The following STRN3 variants were observed in gnomAD, a reference collection of about 807,000 sequenced individuals.
STRN3 encodes striatin 3, also known as striatin-3.
In STRN3, 29 loss-of-function variants were observed where a neutral mutation model predicts 95.6. The ratio of observed to expected loss-of-function variants is 0.30; its 90% confidence interval spans 0.23 to 0.41. STRN3 has a LOEUF of 0.41. Ranked by LOEUF, STRN3 falls within the 10% of genes least tolerant of loss-of-function variation. The pLI, the probability that STRN3 is intolerant of heterozygous loss-of-function variation, is 1.00. For missense variants in STRN3, 890 were observed against 972.1 expected, an observed-to-expected ratio of 0.92 and a Z score of 1.12; for synonymous variants, 331 against 357.6, an observed-to-expected ratio of 0.93 and a Z score of 0.84.
At chr14:30,946,757 C>T (rs1037313302) in intron 5 of STRN3, among the ~76,000 whole-genome samples, 1 of 152,120 alleles carries the variant, frequency 6.6e-6, no homozygotes, top group Non-Finnish European at 1.5e-5. Flanking sequence ...GCAGGTGGAT[C>T]ACCTGAGGTC....
intron 1 of STRN3, 167 bp downstream of exon 1, chr14:31,025,737 G>T: frequency 1.1e-6 from 1 of 907,266 alleles, no homozygotes; most frequent in South Asian, 1.7e-5. Flanking sequence ...AAGAGGGAGG[G>T]GGACTCCAGG....
chr14:30,894,971 A>C lies in STRN3; in HGVS notation c.*440T>G. The C allele has an allele frequency of 9.8e-7, 1 of 1,023,766 alleles. No individual in the cohort carries two copies. Among genetic ancestry groups the C allele is most frequent in the Non-Finnish European group, 1.2e-6 (1 of 817,652 alleles). 63.4% of individuals were successfully genotyped at this position (1,023,766 alleles called of 1,614,324 possible). A position where few individuals can be genotyped will look rare whatever the true frequency, so the allele number is the denominator to read the frequency against. ...AACCGATAAACAGAAGATCACTAAG[A>C]GATGAAAAAAAGCTACTCTTGGAGC... On this transcript the variant is annotated 3_prime_UTR_variant, in exon 18 of 18. Coordinates refer to ENST00000357479, the MANE Select transcript of STRN3 (RefSeq NM_001083893.2).
intron 1 of STRN3, among the ~76,000 whole-genome samples, chr14:30,973,367 A>G (rs1387798299): frequency 6.7e-6 from 1 of 148,490 alleles, no homozygotes; most frequent in East Asian, 2.0e-4. Flanking sequence ...ACAGAGAGGG[A>G]GAGGGGGACA....
At chr14:31,005,862 A>G (rs1426119316) in intron 1 of STRN3, among the ~76,000 whole-genome samples, 1 of 152,240 alleles carries the variant, frequency 6.6e-6, no homozygotes, top group African/African-American at 2.4e-5. Context: ...TCACGCCCGT[A>G]ATCCCAGTAC....
At chr14:30,974,409 AAATT>A (rs1378727179) in intron 1 of STRN3, among the ~76,000 whole-genome samples, 1 of 152,142 alleles carries the variant, frequency 6.6e-6, no homozygotes, top group African/African-American at 2.4e-5. Flanking sequence ...ATGCTGAAAG[AAATT>A]AAGACATAAA....
intron 1 of STRN3, among the ~76,000 whole-genome samples, chr14:31,005,693 T>C (rs1427395595): frequency 6.6e-6 from 1 of 152,228 alleles, no homozygotes; most frequent in Non-Finnish European, 1.5e-5. Flanking sequence ...TAGAATATCC[T>C]GCAGGCAGGC....
At chr14:30,932,298 C>T (rs1240154308) in intron 7 of STRN3, 1 of 152,008 alleles carries the variant, frequency 6.6e-6, no homozygotes, top group Non-Finnish European at 1.5e-5. Flanking sequence ...TGAAAGCTAC[C>T]ACTTTCCTAT....
At chr14:30,978,765 G>A (rs1456655005) in intron 1 of STRN3, among the ~76,000 whole-genome samples, 2 of 152,110 alleles carry the variant, frequency 1.3e-5, no homozygotes, top group African/African-American at 2.4e-5. Context: ...AGGTGCGGTG[G>A]CTAACGCTTG....
chr14:30,944,553 G>GTATA lies in STRN3; in HGVS notation c.716+2533_716+2536dup, dbSNP rs58426505. On this transcript the variant is annotated intron_variant, in intron 5 of 17. Transcript: ENST00000357479. ...CATATATATACATGTATATATACAC[G>GTATA]TATATATATATATATATACACACAC... Among the ~76,000 whole-genome samples, 73 of 65,882 alleles carry GTATA rather than the reference G, an allele frequency of 1.1e-3. 1 individual carries two copies. The highest frequency in any genetic ancestry group is 4.9e-3 in the East Asian group (13 of 2,666). 43.2% of individuals were successfully genotyped at this position (65,882 alleles called of 152,430 possible). A position where few individuals can be genotyped will look rare whatever the true frequency, so the allele number is the denominator to read the frequency against.
At chr14:30,984,529 T>C (rs1472883098) in intron 1 of STRN3, among the ~76,000 whole-genome samples, 1 of 152,064 alleles carries the variant, frequency 6.6e-6, no homozygotes, top group Admixed American at 6.6e-5. Flanking sequence ...ATAGCAACTA[T>C]AGCACTTTGG....
chr14:30,992,812 G>A (rs1467769348), intron 1 of STRN3, among the ~76,000 whole-genome samples: 1 of 151,990 alleles, frequency 6.6e-6, no homozygotes, highest in Non-Finnish European at 1.5e-5. Flanking sequence ...CCAAAAGTTC[G>A]AGAGCAGCCT....
intron 8 of STRN3, among the ~76,000 whole-genome samples, chr14:30,926,686 A>G (rs1018184077): frequency 2.6e-5 from 4 of 152,114 alleles, no homozygotes; most frequent in Admixed American, 6.5e-5. Flanking sequence ...TATTTTTATG[A>G]TTATATAAGC....
chr14:30,902,657 G>A lies in STRN3; in HGVS notation c.2030-14C>T. ...TAGATTGTAAACCTGAAAAATAAAG[G>A]AAGACAATAAGTTAAAATTCAAACC... On this transcript the variant is annotated splice_polypyrimidine_tract_variant and intron_variant, in intron 15 of 17. Coordinates refer to ENST00000357479, the MANE Select transcript of STRN3 (RefSeq NM_001083893.2). 1.3e-6 allele frequency: 2 copies of A among 1,508,698 alleles called. No individual in the cohort carries two copies. The highest frequency in any genetic ancestry group is 1.8e-6 in the Non-Finnish European group (2 of 1,104,070). 93.5% of individuals were successfully genotyped at this position (1,508,698 alleles called of 1,614,324 possible). A position where few individuals can be genotyped will look rare whatever the true frequency, so the allele number is the denominator to read the frequency against.
chr14:31,001,573 A>G (rs566195150), intron 1 of STRN3, among the ~76,000 whole-genome samples: 35 of 151,970 alleles, frequency 2.3e-4, no homozygotes, highest in Non-Finnish European at 4.3e-4. Flanking sequence ...CTGAATTCAC[A>G]TTTTGAGAAA....
intron 1 of STRN3, among the ~76,000 whole-genome samples, chr14:31,016,578 C>CT (rs1395200167): frequency 2.0e-5 from 3 of 152,002 alleles, no homozygotes; most frequent in Non-Finnish European, 4.4e-5. Flanking sequence ...GAGTCTCGCT[C>CT]TGTCGCCCAG....
At chr14:30,904,887 A>G (rs577855700) in intron 15 of STRN3, among the ~76,000 whole-genome samples, 2 of 152,146 alleles carry the variant, frequency 1.3e-5, no homozygotes, top group Non-Finnish European at 2.9e-5. Flanking sequence ...AGCACATTAA[A>G]TAACACAGGA....
chr14:30,988,631 A>G (rs778505590), intron 1 of STRN3, among the ~76,000 whole-genome samples: 7 of 152,330 alleles, frequency 4.6e-5, no homozygotes, highest in Non-Finnish European at 7.4e-5. Context: ...GTCATGGTAC[A>G]ATTATAAAGC....
intron 1 of STRN3, among the ~76,000 whole-genome samples, chr14:30,971,346 C>A (rs563569965): frequency 6.6e-6 from 1 of 152,314 alleles, no homozygotes; most frequent in East Asian, 1.9e-4. Context: ...ATAGGTCTTT[C>A]AACTCTCACG....
chr14:30,915,159 T>A (rs554168341), intron 9 of STRN3, among the ~76,000 whole-genome samples: 6 of 152,224 alleles, frequency 3.9e-5, no homozygotes, highest in South Asian at 4.1e-4. Flanking sequence ...TTATCAATTT[T>A]AAAAAAATTC....
Sources: gnomAD v4.1 joint callset for allele counts (sites outside exome capture counted in the v4.1 genomes callset) on GRCh38, gnomAD v4.1.1 for gene constraint, MANE v1.5 for transcripts, NCBI Gene and HGNC (gene_info 2026-07-23, HGNC 2026-07-21) for gene names.